RYR1: variants seen among roughly 807,000 people sequenced by gnomAD.
RYR1 encodes ryanodine receptor 1, also known as central core disease of muscle.
RYR1 carries 342 observed loss-of-function variants against 583.5 expected under a neutral mutation model. That is an observed-to-expected ratio of 0.59 (90% CI 0.54 to 0.64). RYR1 has a LOEUF of 0.64. RYR1 is among the 30% of genes least tolerant of loss of function. The pLI is 0.00. For missense variants in RYR1, 6,032 were observed against 6,917.2 expected (o/e 0.87, Z 4.54); for synonymous variants, 2,791 against 2,822.5 (o/e 0.99, Z 0.35).
chr19:38,491,434 CTTT>C (rs112294433), intron 37 of RYR1, among the ~76,000 whole-genome samples: 3 of 136,180 alleles, frequency 2.2e-5, no homozygotes, highest in Non-Finnish European at 1.6e-5. Context: ...TTTCATTTTG[CTTT>C]TTTTTTTTTT....
intron 81 of RYR1, 51 bp downstream of exon 81, chr19:38,535,443 A>G (rs779303990): frequency 6.0e-6 from 8 of 1,338,522 alleles, no homozygotes; most frequent in Non-Finnish European, 8.6e-6. Context: ...TGCCACTGCC[A>G]CCCCACTCCT....
chr19:38,555,446 C>CAAAAAAAAA (rs56911809), intron 89 of RYR1, among the ~76,000 whole-genome samples: 1 of 83,490 alleles, frequency 1.2e-5, no homozygotes. Context: ...GACCCTGCCT[C>CAAAAAAAAA]AAAAAAAAAA....
At chr19:38,491,118 C>T (rs74852099) in intron 37 of RYR1, among the ~76,000 whole-genome samples, 11,277 of 152,230 alleles carry the variant, frequency 0.074, 549 homozygotes, top group South Asian at 0.18. Flanking sequence ...GAGAAGTCTG[C>T]TGATAGTCTT....
rs1973374605 is a variant in RYR1, at chr19:38,565,580, G to A, written c.13246G>A (p.Ala4416Thr). 2.0e-6 allele frequency: 3 copies of A among 1,468,908 alleles called. No homozygotes were observed. Among genetic ancestry groups the A allele is most frequent in the Non-Finnish European group, 2.7e-6 (3 of 1,117,106 alleles). 91.0% of individuals were successfully genotyped at this position (1,468,908 alleles called of 1,614,324 possible). The change falls in exon 91 of 106, where the codon GCG becomes ACG. Residue 4416 changes from alanine to threonine, a missense_variant. Coordinates refer to ENST00000359596, the MANE Select transcript of RYR1 (RefSeq NM_000540.3). The surrounding 1 kb of genome is among the most constrained non-coding windows in gnomAD (Gnocchi z 4.7). The part of the protein sequence containing the change: ...EGASEGAGDA[A>T]EGAGDEEEAV... ...TGCCAGCGAGGGCGCTGGAGACGCC[G>A]CGGAGGGCGCTGGAGACGAGGAGGA... is the stretch of plus-strand genomic sequence containing the variant.
intron 1 of RYR1, among the ~76,000 whole-genome samples, chr19:38,439,077 C>T (rs1436045737): frequency 6.6e-6 from 1 of 152,166 alleles, no homozygotes; most frequent in Non-Finnish European, 1.5e-5. Flanking sequence ...AGAACAGCAC[C>T]TGGCCCATGG....
chr19:38,507,840 A>AC lies in RYR1; in HGVS notation c.8932+19dup, dbSNP rs759429466. 18 of 1,555,618 alleles carry AC rather than the reference A, an allele frequency of 1.2e-5. No homozygotes were observed. The highest frequency in any genetic ancestry group is 3.4e-4 in the Middle Eastern group (2 of 5,962). ...ATTGCCCACCTGGGTACGGAGAAATACCCCCCGCTTATGCCCGCCCCACCT... is the reference window on the plus strand; with the variant it reads ...ATTGCCCACCTGGGTACGGAGAAATACCCCCCCGCTTATGCCCGCCCCACCT... On this transcript the variant is annotated intron_variant, in intron 58 of 105. Coordinates refer to ENST00000359596, the MANE Select transcript of RYR1 (RefSeq NM_000540.3).
rs1480460369 is a variant in RYR1, at chr19:38,496,517, C to T, written c.6772C>T (p.Leu2258=). The change falls in exon 41 of 106, where the codon CTG becomes TTG. Residue 2258 remains leucine, a synonymous_variant. Transcript: ENST00000359596. The surrounding 1 kb of genome is among the most constrained non-coding windows in gnomAD (Gnocchi z 4.8). ...RSMFDHLSYL[L]ENSGIGLGMQ... ...CATGTTTGACCACCTGAGCTACCTGCTGGAGAACAGTGGCATCGGCCTGGG... is the reference window on the plus strand; with the variant it reads ...CATGTTTGACCACCTGAGCTACCTGTTGGAGAACAGTGGCATCGGCCTGGG... 2 of 1,613,434 alleles carry T rather than the reference C, an allele frequency of 1.2e-6. No homozygotes were observed. The highest frequency in any genetic ancestry group is 1.7e-6 in the Non-Finnish European group (2 of 1,180,048).
chr19:38,573,513 C>G (rs192690034), intron 96 of RYR1, among the ~76,000 whole-genome samples: 244 of 152,186 alleles, frequency 1.6e-3, no homozygotes, highest in Middle Eastern at 6.8e-3. Flanking sequence ...AATCCCGTCT[C>G]TACTAAAAGT....
At chr19:38,569,782 CCA>C (rs1456091851) in intron 93 of RYR1, among the ~76,000 whole-genome samples, 1 of 152,172 alleles carries the variant, frequency 6.6e-6, no homozygotes, top group African/African-American at 2.4e-5. Context: ...ACAGTAGTGC[CCA>C]CTTCACAGGG....
chr19:38,528,078 C>G (rs1158214264), intron 73 of RYR1: 1 of 630,296 alleles, frequency 1.6e-6, no homozygotes, highest in Admixed American at 2.6e-5. Context: ...TAGAATTGGT[C>G]GTGGCCTGGC....
intron 9 of RYR1, among the ~76,000 whole-genome samples, chr19:38,447,852 AAAAAAAC>A (rs1973022344): frequency 6.6e-6 from 1 of 151,770 alleles, no homozygotes; most frequent in Admixed American, 6.6e-5. Context: ...AAAAAAAAAA[AAAAAAAC>A]AAGCAAAACA....
Position 38,565,235 on chromosome 19 carries a change from G to A in RYR1, c.12901G>A (p.Ala4301Thr), listed in dbSNP as rs1599634913. Residue 4301 changes from alanine (A) to threonine (T), a missense_variant, in exon 91 of 106, where the codon GCA (alanine) becomes ACA (threonine). Ala to Thr is a moderately conservative substitution (Grantham distance 58, BLOSUM62 0). Coordinates refer to ENST00000359596, the MANE Select transcript of RYR1 (RefSeq NM_000540.3). This position sits in a 1 kb window ranked among gnomAD's most constrained non-coding sequence, Gnocchi z 4.7. ...GGCGACGGCGCGGGTTGTGGCGGCC[G>A]CAGGCCGGGCCCTGCGAGGCCTCAG... ...AGATARVVAAAGRALRGLSYR... is the reference protein window; with the variant it reads ...AGATARVVAATGRALRGLSYR... The A allele has an allele frequency of 7.1e-6, 7 of 989,064 alleles. No individual in the cohort carries two copies. In the South Asian group the frequency reaches 1.4e-4, roughly 19 times the overall value. 61.3% of individuals were successfully genotyped at this position (989,064 alleles called of 1,614,324 possible).
At chr19:38,438,336 C>T (rs1471527516) in intron 1 of RYR1, among the ~76,000 whole-genome samples, 3 of 151,726 alleles carry the variant, frequency 2.0e-5, no homozygotes, top group Non-Finnish European at 2.9e-5. Flanking sequence ...ATTAATTCAC[C>T]TGTTTATTCC....
At chr19:38,514,959 G>T in intron 63 of RYR1, 67 bp from the exon 64 acceptor site, 1 of 1,070,830 alleles carries the variant, frequency 9.3e-7, no homozygotes. Context: ...TTTGAGACAA[G>T]GGAGGTGGGG....
rs1311939355 is a variant in RYR1 at position 38,543,728 on chromosome 19, C to T, written c.11908-43C>T. On this transcript the variant is annotated intron_variant, in intron 86 of 105. Transcript: ENST00000359596. The surrounding 1 kb of genome is among the most constrained non-coding windows in gnomAD (Gnocchi z 4.4). ...CCCGCATCGTGATCCCTGATCCCTT[C>T]TCGGGGATTCCCTTCCCCCCCACAC... 6.2e-7 allele frequency: 1 copy of T among 1,611,174 alleles called. No homozygotes were observed. The highest frequency in any genetic ancestry group is 1.1e-5 in the South Asian group (1 of 91,084).
At chr19:38,443,868 G>T in intron 5 of RYR1, 72 bp downstream of exon 5, 1 of 1,401,236 alleles carries the variant, frequency 7.1e-7, no homozygotes, top group South Asian at 1.2e-5. Flanking sequence ...AAGGTCTGCA[G>T]AACGCCAAGG....
chr19:38,504,103 C>T (rs1283395319), intron 49 of RYR1, 117 bp from the exon 50 acceptor site: 2 of 1,133,984 alleles, frequency 1.8e-6, no homozygotes, highest in East Asian at 5.2e-5. Context: ...TTTGCATAAC[C>T]CACACCTCCT....
Position 38,523,942 on chromosome 19 carries a change from T to C in RYR1, c.10455+13T>C, listed in dbSNP as rs964727755. The C allele has an allele frequency of 3.1e-6, 5 of 1,613,766 alleles. No individual in the cohort carries two copies. The highest frequency in any genetic ancestry group is 2.5e-6 in the Non-Finnish European group (3 of 1,179,930). On this transcript the variant is annotated intron_variant, in intron 70 of 105. Coordinates refer to ENST00000359596, the MANE Select transcript of RYR1 (RefSeq NM_000540.3). ...GGGAGATATACAGGTCAGCCCCACA[T>C]CTGGGACCTTCCGCATGTCTCTTGG...
Position 38,523,016 on chromosome 19 carries a change from C to T in RYR1, c.10260-12C>T, listed in dbSNP as rs779541890. ...CCCACCCCCTCCCTCACCTCCCCTC[C>T]GCTGACCCCAGGGCGCAGTGGCTGA... On this transcript the variant is annotated splice_polypyrimidine_tract_variant and intron_variant, in intron 67 of 105. Coordinates refer to ENST00000359596, the MANE Select transcript of RYR1 (RefSeq NM_000540.3). The T allele has an allele frequency of 7.6e-5, 119 of 1,575,570 alleles. No individual in the cohort carries two copies. The highest frequency in any genetic ancestry group is 2.3e-4 in the Middle Eastern group (1 of 4,442).
Sources: gnomAD v4.1 joint callset for allele counts (sites outside exome capture counted in the v4.1 genomes callset) on GRCh38, gnomAD v4.1.1 for gene constraint, Gnocchi (gnomAD v3.1) non-coding constraint, MANE v1.5 for transcripts, NCBI Gene and HGNC (gene_info 2026-07-23, HGNC 2026-07-21) for gene names.